The following EPS8L2 variants were observed in gnomAD, a reference collection of about 807,000 sequenced individuals.
The protein encoded by EPS8L2 is epidermal growth factor receptor kinase substrate 8-like protein 2.
EPS8L2 carries 81 observed loss-of-function variants against 99.4 expected under a neutral mutation model. That is an observed-to-expected ratio of 0.82 (90% CI 0.68 to 0.98). EPS8L2 has a LOEUF of 0.98. Ranked by LOEUF, EPS8L2 falls within the 50% of genes least tolerant of loss-of-function variation. EPS8L2 has a pLI of 0.00. For synonymous variants in EPS8L2, 509 were observed against 407.3 expected (o/e 1.25, Z -3.01); for missense variants, 1,155 against 968.8 (o/e 1.19, Z -2.55).
At chr11:711,985 A>G (rs1861903121) in intron 4 of EPS8L2, among the ~76,000 whole-genome samples, 1 of 148,858 alleles carries the variant, frequency 6.7e-6, no homozygotes, top group Admixed American at 6.7e-5. Flanking sequence ...TCCATCTCAA[A>G]AAAGAGAAAA....
At chr11:722,036 G>T (rs781597856) in intron 11 of EPS8L2, 45 bp downstream of exon 11, 1 of 1,608,056 alleles carries the variant, frequency 6.2e-7, no homozygotes, top group Non-Finnish European at 8.5e-7. Flanking sequence ...TGTGCTGAGG[G>T]GAGGGTGGAG....
rs1185217606 is a variant in EPS8L2, at chr11:719,944, C to T, written c.166-118C>T. ...ACCAAAGGCGGGGCCGGTCCCCGTTCTAGCCCCCTACCCAGGGTTGGCTGT... is the reference window on the plus strand; with the variant it reads ...ACCAAAGGCGGGGCCGGTCCCCGTTTTAGCCCCCTACCCAGGGTTGGCTGT... On this transcript the variant is annotated intron_variant, in intron 4 of 20. Transcript: ENST00000318562. 5.0e-6 allele frequency: 5 copies of T among 995,428 alleles called. No homozygotes were observed. In the African/African-American group the frequency reaches 8.2e-5, roughly 16 times the overall value. The allele number at this position is 995,428 out of a possible 1,614,324, so 61.7% of individuals were successfully genotyped here.
In EPS8L2 at chr11:726,115, G is replaced by C. The variant is rs762088691; in HGVS notation, c.1698G>C (p.Trp566Cys). 27 of 1,605,104 alleles carry C rather than the reference G, an allele frequency of 1.7e-5. No individual in the cohort carries two copies. The highest frequency in any genetic ancestry group is 5.1e-6 in the Non-Finnish European group (6 of 1,175,964). ...CCCCGCAGGCCGGTCAGAAGTACTG[G>C]GGCCCCGCCAGCCCGACCCACAAGC... ...APFEQAGQKYWGPASPTHKLP... is the reference protein window; with the variant it reads ...APFEQAGQKYCGPASPTHKLP... Residue 566 changes from tryptophan to cysteine, a missense_variant, in exon 18 of 21, where the codon TGG becomes TGC. By Grantham distance (215) the Trp-to-Cys change is radical (BLOSUM62 -2). Coordinates refer to ENST00000318562, the MANE Select transcript of EPS8L2 (RefSeq NM_022772.4).
Position 721,581 on chromosome 11 carries a change from C to T in EPS8L2, c.785C>T (p.Ala262Val). ...TGACCCCAGCAAATCCTCAACTGCGCCCTGGACGACATCGAGTGGTTTGTG... is the reference window on the plus strand; with the variant it reads ...TGACCCCAGCAAATCCTCAACTGCGTCCTGGACGACATCGAGTGGTTTGTG... ...IEKETQILNCALDDIEWFVAR... is the reference protein window; with the variant it reads ...IEKETQILNCVLDDIEWFVAR... The change falls in exon 10 of 21, where the codon GCC becomes GTC. Residue 262 changes from alanine (A) to valine (V), a missense_variant. Ala to Val is a moderately conservative substitution (Grantham distance 64). Transcript: ENST00000318562. 1 of 1,566,714 alleles carries T rather than the reference C, an allele frequency of 6.4e-7. No homozygotes were observed. Among genetic ancestry groups the T allele is most frequent in the Non-Finnish European group, 8.6e-7 (1 of 1,160,624 alleles).
rs754179486 is a variant in EPS8L2, at chr11:726,760, G to T, written c.2067+9G>T. The stretch of plus-strand genomic sequence containing the variant: ...AGAAGGCCTTCCTGGAGGTGAGCCC[G>T]CCTGCGCTCCGGCGCCACGCCCCTC... On this transcript the variant is annotated intron_variant, in intron 20 of 20. Coordinates refer to ENST00000318562, the MANE Select transcript of EPS8L2 (RefSeq NM_022772.4). 6 of 1,586,670 alleles carry T rather than the reference G, an allele frequency of 3.8e-6. No individual in the cohort carries two copies. The South Asian group carries it at 6.9e-5, about 18-fold the overall frequency.
chr11:706,244 G>A lies in EPS8L2; in HGVS notation c.-123G>A, dbSNP rs1280492874. On this transcript the variant is annotated 5_prime_UTR_variant, in exon 1 of 21. Coordinates refer to ENST00000318562, the MANE Select transcript of EPS8L2 (RefSeq NM_022772.4). ...CGAGGCGCGAACAGACGGACGCACC[G>A]GCGAGCGCCGAGGGGACAGGCCGAG... 6.6e-6 allele frequency: 1 copy of A among 151,918 alleles called. No individual in the cohort carries two copies. The highest frequency in any genetic ancestry group is 1.5e-5 in the Non-Finnish European group (1 of 67,950). The allele number at this position is 151,918 out of a possible 1,614,324, so 9.4% of individuals were successfully genotyped here. A position where few individuals can be genotyped will look rare whatever the true frequency, so the allele number is the denominator to read the frequency against.
At position 724,583 on chromosome 11, in the gene EPS8L2, C is replaced by T. The variant is rs1159227238; in HGVS notation, c.1455-141C>T. On this transcript the variant is annotated intron_variant, in intron 15 of 20. Transcript: ENST00000318562. The surrounding 1 kb of genome is among the most constrained non-coding windows in gnomAD (Gnocchi z 5.5). ...TTCCATTCCGGGCTGACGCTGCCTG[C>T]AGCCTCTCTCCACGGTGACCTCCAG... 7.9e-6 allele frequency: 5 copies of T among 635,916 alleles called. No homozygotes were observed. Among genetic ancestry groups the T allele is most frequent in the African/African-American group, 5.5e-5 (3 of 55,020 alleles). 39.4% of individuals were successfully genotyped at this position (635,916 alleles called of 1,614,324 possible). A position where few individuals can be genotyped will look rare whatever the true frequency, so the allele number is the denominator to read the frequency against.
rs1590059025 is a variant in EPS8L2 at position 727,111 on chromosome 11, C to T, written c.*130C>T. The T allele has an allele frequency of 7.3e-6, 5 of 688,598 alleles. No individual in the cohort carries two copies. The East Asian group carries it at 1.4e-4, about 19-fold the overall frequency. 42.7% of individuals were successfully genotyped at this position (688,598 alleles called of 1,614,324 possible). A position where few individuals can be genotyped will look rare whatever the true frequency, so the allele number is the denominator to read the frequency against. On this transcript the variant is annotated 3_prime_UTR_variant, in exon 21 of 21. Transcript: ENST00000318562. ...GTGTGGTGCTGGCTAGAGGTCCCTG[C>T]CCCTGTCTGGAGGCACAACGCCCAT...
In EPS8L2 at chr11:727,086, G is replaced by C; in HGVS notation, c.*105G>C. On this transcript the variant is annotated 3_prime_UTR_variant, in exon 21 of 21. Transcript: ENST00000318562. ...ATTTTGTATCAAGGACACGGAGGGG[G>C]TGTGGTGCTGGCTAGAGGTCCCTGC... is the stretch of plus-strand genomic sequence containing the variant. The C allele has an allele frequency of 1.2e-6, 1 of 836,280 alleles. No homozygotes were observed. The highest frequency in any genetic ancestry group is 1.9e-6 in the Non-Finnish European group (1 of 522,594). The allele number at this position is 836,280 out of a possible 1,614,324, so 51.8% of individuals were successfully genotyped here. A position where few individuals can be genotyped will look rare whatever the true frequency, so the allele number is the denominator to read the frequency against.
chr11:721,005 A>AGGGAGGGGAGGAGCCCGGCAG (rs1862156208), intron 7 of EPS8L2, 59 bp from the exon 8 acceptor site: 27 of 1,398,686 alleles, frequency 1.9e-5, no homozygotes, highest in Non-Finnish European at 2.5e-5. Flanking sequence ...GGAGCCCGGC[A>AGGGAGGGGAGGAGCCCGGCAG]GGGAGGGAGG....
At chr11:712,242 C>T (rs149429951) in intron 4 of EPS8L2, among the ~76,000 whole-genome samples, 2,029 of 151,932 alleles carry the variant, frequency 0.013, 43 homozygotes, top group African/African-American at 0.047. Context: ...GCCGGGATTG[C>T]GCCACTGCAC....
In EPS8L2 at chr11:720,872, T is replaced by A; in HGVS notation, c.520T>A (p.Cys174Ser). The part of the protein sequence containing the change: ...HEDIESALAD[C>S]RLGKKMRPQT... ...GGACATCGAGAGCGCGTTGGCCGACTGCCGGCTGGGCAAGAAGATGCGGCC... is the reference window on the plus strand; with the variant it reads ...GGACATCGAGAGCGCGTTGGCCGACAGCCGGCTGGGCAAGAAGATGCGGCC... Residue 174 changes from cysteine to serine, a missense_variant, in exon 7 of 21, where the codon TGC becomes AGC. By Grantham distance (112) the Cys-to-Ser change is moderately radical. Transcript: ENST00000318562. The A allele has an allele frequency of 7.7e-6, 11 of 1,420,704 alleles. No individual in the cohort carries two copies. The highest frequency in any genetic ancestry group is 1.0e-5 in the Non-Finnish European group (11 of 1,071,726). 88.0% of individuals were successfully genotyped at this position (1,420,704 alleles called of 1,614,324 possible).
intron 1 of EPS8L2, among the ~76,000 whole-genome samples, chr11:707,230 C>A (rs1312097425): frequency 1.3e-5 from 2 of 152,174 alleles, no homozygotes; most frequent in East Asian, 3.9e-4. Context: ...CCGCCTGCCT[C>A]GGTCTCCTTT....
At chr11:709,183 G>A (rs1185366427) in intron 1 of EPS8L2, 147 bp from the exon 2 acceptor site, 6 of 613,320 alleles carry the variant, frequency 9.8e-6, no homozygotes, top group Admixed American at 5.9e-5. Context: ...CAACTGGGAC[G>A]TGGGGCCAAC....
chr11:708,987 C>T (rs1861810037), intron 1 of EPS8L2: 1 of 136,600 alleles, frequency 7.3e-6, no homozygotes, highest in Admixed American at 7.1e-5. Context: ...TCCCCCTCCC[C>T]TTACCCATCC....
At position 709,420 on chromosome 11, in the gene EPS8L2, G is replaced by T; in HGVS notation, c.13G>T (p.Gly5Trp). Reference sequence around the variant, plus strand: ...CACCCAAGACACCATGAGCCAGTCCGGGGCCGTGAGCTGCTGCCCGGGTGC... The same window carrying T: ...CACCCAAGACACCATGAGCCAGTCCTGGGCCGTGAGCTGCTGCCCGGGTGC... MSQS[G>W]AVSCCPGATN... Residue 5 changes from glycine (G) to tryptophan (W), a missense_variant, in exon 2 of 21, where the codon GGG becomes TGG. Coordinates refer to ENST00000318562, the MANE Select transcript of EPS8L2 (RefSeq NM_022772.4). The T allele has an allele frequency of 6.3e-7, 1 of 1,591,870 alleles. No homozygotes were observed. The highest frequency in any genetic ancestry group is 2.3e-5 in the East Asian group (1 of 43,324).
intron 4 of EPS8L2, among the ~76,000 whole-genome samples, chr11:714,581 G>A (rs1248132584): frequency 6.8e-6 from 1 of 147,666 alleles, no homozygotes. Flanking sequence ...TTTGCGTTTA[G>A]GGCCAGGATC....
rs959635454 is a variant in EPS8L2 at position 720,614 on chromosome 11, C to G, written c.345C>G (p.Phe115Leu). 1 of 1,600,124 alleles carries G rather than the reference C, an allele frequency of 6.2e-7. No homozygotes were observed. The highest frequency in any genetic ancestry group is 1.7e-5 in the Admixed American group (1 of 57,754). ...ACCCGCAGGAGGAGCTGGAAGACTTCCCGCTGCCCACGGTGCAGCGCAGCC... is the reference window on the plus strand; with the variant it reads ...ACCCGCAGGAGGAGCTGGAAGACTTGCCGCTGCCCACGGTGCAGCGCAGCC... ...DIESQEELED[F>L]PLPTVQRSQT... The change falls in exon 6 of 21, where the codon TTC (phenylalanine) becomes TTG (leucine). Residue 115 changes from phenylalanine to leucine, a missense_variant. Transcript: ENST00000318562.
chr11:708,384 G>T (rs1056619733), intron 1 of EPS8L2, among the ~76,000 whole-genome samples: 1 of 152,216 alleles, frequency 6.6e-6, no homozygotes, highest in Admixed American at 6.5e-5. Context: ...CTGGGCCTTA[G>T]TTTCCCCAAA....
Sources: gnomAD v4.1 joint callset for allele counts (sites outside exome capture counted in the v4.1 genomes callset) on GRCh38, gnomAD v4.1.1 for gene constraint, Gnocchi (gnomAD v3.1) non-coding constraint, MANE v1.5 for transcripts, NCBI Gene and HGNC (gene_info 2026-07-23, HGNC 2026-07-21) for gene names.